CNOT7: variants seen among roughly 807,000 people sequenced by gnomAD.
The protein encoded by CNOT7 is BTG1-binding factor 1.
In CNOT7, 4 loss-of-function variants were observed where a neutral mutation model predicts 37.1. That is an observed-to-expected ratio of 0.11 (90% CI 0.05 to 0.25). The LOEUF (loss-of-function observed/expected upper bound fraction) is 0.25. Ranked by LOEUF, CNOT7 falls within the 10% of genes least tolerant of loss-of-function variation. The pLI is 1.00. For missense variants in CNOT7, 170 were observed against 336.2 expected, an observed-to-expected ratio of 0.51 and a Z score of 3.87; for synonymous variants, 128 against 115.6, an observed-to-expected ratio of 1.11 and a Z score of -0.69.
Position 17,226,009 on chromosome 8 carries a change from T to C in CNOT7, c.*4711A>G, listed in dbSNP as rs1347612237. 7.0e-6 allele frequency: 1 copy of C among 142,542 alleles called. No homozygotes were observed. The highest frequency in any genetic ancestry group is 1.5e-5 in the Non-Finnish European group (1 of 65,844). The allele number at this position is 142,542 out of a possible 1,614,324, so 8.8% of individuals were successfully genotyped here. ...CAGACATAGACCCTTGAGTTTCTTC[T>C]AGTAGAGAGGTGGACAAGCCTTTTT... On this transcript the variant is annotated 3_prime_UTR_variant, in exon 7 of 7. Transcript: ENST00000361272.
intron 3 of CNOT7, chr8:17,242,351 A>G (rs1428005645): frequency 6.6e-6 from 1 of 152,212 alleles, no homozygotes; most frequent in African/African-American, 2.4e-5. Flanking sequence ...AACTTCCCTT[A>G]GCTATCAAGA....
intron 5 of CNOT7, 152 bp from the exon 6 acceptor site, chr8:17,232,689 G>T: frequency 1.6e-6 from 1 of 642,628 alleles, no homozygotes; most frequent in South Asian, 2.1e-5. Flanking sequence ...CAGAGAATGT[G>T]AATTACTAAT....
chr8:17,234,202 A>G (rs2150977011), intron 5 of CNOT7, among the ~76,000 whole-genome samples: 1 of 152,336 alleles, frequency 6.6e-6, no homozygotes, highest in Non-Finnish European at 1.5e-5. Flanking sequence ...AAAATCTTTT[A>G]GCTATATAGT....
rs969357309 is a variant in CNOT7 at position 17,229,114 on chromosome 8, A to G, written c.*1606T>C. ...GACTGATTTTTCAATTAATGGACTAATAATCATCTAGGGTTAATGAAGGAA... is the reference window on the plus strand; with the variant it reads ...GACTGATTTTTCAATTAATGGACTAGTAATCATCTAGGGTTAATGAAGGAA... On this transcript the variant is annotated 3_prime_UTR_variant, in exon 7 of 7. Transcript: ENST00000361272. The G allele has an allele frequency of 6.6e-6, 1 of 151,968 alleles. No homozygotes were observed. Among genetic ancestry groups the G allele is most frequent in the Admixed American group, 6.6e-5 (1 of 15,248 alleles). 9.4% of individuals were successfully genotyped at this position (151,968 alleles called of 1,614,324 possible).
Position 17,226,029 on chromosome 8 carries a change from CTTTTTTTTTTTTT to C in CNOT7, c.*4678_*4690del, listed in dbSNP as rs61036000. 3.4e-5 allele frequency: 2 copies of C among 58,704 alleles called. No individual in the cohort carries two copies. Among genetic ancestry groups the C allele is most frequent in the Non-Finnish European group, 6.0e-5 (2 of 33,554 alleles). The allele number at this position is 58,704 out of a possible 1,614,324, so 3.6% of individuals were successfully genotyped here. A position where few individuals can be genotyped will look rare whatever the true frequency, so the allele number is the denominator to read the frequency against. On this transcript the variant is annotated 3_prime_UTR_variant, in exon 7 of 7. Transcript: ENST00000361272. ...TCTTCTAGTAGAGAGGTGGACAAGC[CTTTTTTTTTTTTT>C]TTTTTTTTTTTTTGAAAAGGGCAGG...
rs1171979969 is a variant in CNOT7 at position 17,237,209 on chromosome 8, T to C, written c.473+3A>G. On this transcript the variant is annotated splice_donor_region_variant and intron_variant, in intron 4 of 6. Transcript: ENST00000361272. The stretch of plus-strand genomic sequence containing the variant: ...AATGCCATTTTCAATGTAGTCGTTT[T>C]ACCTATGAAATGACAACCATTTGAC... The C allele has an allele frequency of 1.9e-6, 3 of 1,613,232 alleles. No individual in the cohort carries two copies. Among genetic ancestry groups the C allele is most frequent in the African/African-American group, 1.3e-5 (1 of 74,868 alleles).
At chr8:17,241,888 T>A (rs745877143) in intron 3 of CNOT7, 1 of 152,198 alleles carries the variant, frequency 6.6e-6, no homozygotes, top group Non-Finnish European at 1.5e-5. Flanking sequence ...GTGAGCTATA[T>A]GTAAATTTAA....
At chr8:17,234,565 C>T in intron 5 of CNOT7, 151 bp downstream of exon 5, 1 of 806,214 alleles carries the variant, frequency 1.2e-6, no homozygotes, top group Non-Finnish European at 2.0e-6. Context: ...ATTATGTATG[C>T]AAGAAAAAAA....
intron 1 of CNOT7, chr8:17,246,151 G>C (rs1190271363): frequency 6.6e-6 from 1 of 152,216 alleles, no homozygotes. Context: ...AGACCCTGTA[G>C]TCTAACATTG....
chr8:17,231,666 C>G, intron 6 of CNOT7: 1 of 985,380 alleles, frequency 1.0e-6, no homozygotes, highest in Non-Finnish European at 1.2e-6. Context: ...AAAAACCTCA[C>G]TTGTTTTTTG....
At position 17,238,708 on chromosome 8, in the gene CNOT7, A is replaced by G. The variant is rs188539510; in HGVS notation, c.312-1335T>C. ...TGGCCATTTGCCAAGGTATAGGTAT[A>G]CAAGTAGTTTAGACCTTTTTCTCTT... On this transcript the variant is annotated intron_variant, in intron 3 of 6. Transcript: ENST00000361272. Among the ~76,000 whole-genome samples, 500 of 152,356 alleles carry G rather than the reference A, an allele frequency of 3.3e-3. 11 individuals carry two copies. Among genetic ancestry groups the G allele is most frequent in the Admixed American group, 0.03 (452 of 15,312 alleles).
chr8:17,233,235 A>G (rs1315227754), intron 5 of CNOT7, among the ~76,000 whole-genome samples: 1 of 152,236 alleles, frequency 6.6e-6, no homozygotes, highest in African/African-American at 2.4e-5. Context: ...CGTGAAGGAA[A>G]GAAACACCAA....
At chr8:17,231,481 A>G (rs1203779716) in intron 6 of CNOT7, 2 of 971,794 alleles carry the variant, frequency 2.1e-6, no homozygotes, top group Non-Finnish European at 2.4e-6. Flanking sequence ...TCATGAATGG[A>G]TAGTCCAAAT....
intron 6 of CNOT7, chr8:17,231,577 C>T (rs1394747721): frequency 3.0e-6 from 3 of 985,032 alleles, no homozygotes; most frequent in Non-Finnish European, 2.4e-6. Context: ...TTTAAATTCT[C>T]AGTCTCAATT....
Position 17,244,178 on chromosome 8 carries a change from C to T in CNOT7, c.117+858G>A, listed in dbSNP as rs189978546. 65 of 160,200 alleles carry T rather than the reference C, an allele frequency of 4.1e-4. 1 individual carries two copies. The highest frequency in any genetic ancestry group is 1.4e-3 in the African/African-American group (60 of 41,576). The allele number at this position is 160,200 out of a possible 1,614,324, so 9.9% of individuals were successfully genotyped here. On this transcript the variant is annotated intron_variant, in intron 2 of 6. Coordinates refer to ENST00000361272, the MANE Select transcript of CNOT7 (RefSeq NM_013354.7). ...ATAATAATCCAGTGGATGTAGAAAA[C>T]AGTAGGGTAGCTAACAGATATAGAC...
rs1440482155 is a variant in CNOT7 at position 17,229,034 on chromosome 8, T to C, written c.*1686A>G. ...CAGAAGTCAGTCCTTAATTAGCTAG[T>C]TGAGGTACTCATAAAGAACAAGAAT... On this transcript the variant is annotated 3_prime_UTR_variant, in exon 7 of 7. Coordinates refer to ENST00000361272, the MANE Select transcript of CNOT7 (RefSeq NM_013354.7). 6.6e-6 allele frequency: 1 copy of C among 151,952 alleles called. No individual in the cohort carries two copies. Among genetic ancestry groups the C allele is most frequent in the African/African-American group, 2.4e-5 (1 of 41,418 alleles). The allele number at this position is 151,952 out of a possible 1,614,324, so 9.4% of individuals were successfully genotyped here.
intron 4 of CNOT7, among the ~76,000 whole-genome samples, chr8:17,235,112 G>A (rs1282162429): frequency 6.6e-6 from 1 of 152,076 alleles, no homozygotes; most frequent in Non-Finnish European, 1.5e-5. Context: ...TACCAAACCA[G>A]CCTATGGTCA....
At position 17,237,319 on chromosome 8, in the gene CNOT7, C is replaced by G. The variant is rs759942846; in HGVS notation, c.366G>C (p.Gln122His). ...TTCCTTCCTCCTCATGTTTTTTAAACTGGATACCAGATGTTGTTAGTAGCT... is the reference window on the plus strand; with the variant it reads ...TTCCTTCCTCCTCATGTTTTTTAAAGTGGATACCAGATGTTGTTAGTAGCT... ...SIELLTTSGI[Q>H]FKKHEEEGIE... is the part of the protein sequence containing the mutation. Residue 122 changes from glutamine to histidine, a missense_variant, in exon 4 of 7, where the codon CAG (glutamine) becomes CAC (histidine). Gln to His is a conservative substitution (Grantham distance 24, BLOSUM62 0). This residue lies in a region of CNOT7 where 68 missense variants were observed against 151.1 expected (regional missense o/e 0.45). Transcript: ENST00000361272. 6.2e-7 allele frequency: 1 copy of G among 1,614,072 alleles called. No individual in the cohort carries two copies. The highest frequency in any genetic ancestry group is 8.5e-7 in the Non-Finnish European group (1 of 1,179,962).
chr8:17,233,745 CATAAA>C (rs1400443565), intron 5 of CNOT7, among the ~76,000 whole-genome samples: 3 of 152,196 alleles, frequency 2.0e-5, no homozygotes, highest in African/African-American at 7.2e-5. Context: ...CTGCTACAAA[CATAAA>C]ATAATCTTTC....
Sources: gnomAD v4.1 joint callset for allele counts (sites outside exome capture counted in the v4.1 genomes callset) on GRCh38, gnomAD v4.1.1 for gene constraint, gnomAD v4.1.1 regional missense constraint, MANE v1.5 for transcripts, NCBI Gene and HGNC (gene_info 2026-07-23, HGNC 2026-07-21) for gene names.